YBEY: variants seen among roughly 807,000 people sequenced by gnomAD.
YBEY encodes the protein ybeY metalloendoribonuclease, also known as endoribonuclease YbeY.
In YBEY, 15 loss-of-function variants were observed where a neutral mutation model predicts 13.5. The ratio of observed to expected loss-of-function variants is 1.11; its 90% confidence interval spans 0.75 to 1.72. YBEY has a LOEUF of 1.72. Among genes scored for constraint, YBEY ranks in the 40% most tolerant of loss-of-function variants. YBEY has a pLI of 0.00. For synonymous variants in YBEY, 101 were observed against 83.1 expected, an observed-to-expected ratio of 1.21 and a Z score of -1.17; for missense variants, 244 against 208.4, an observed-to-expected ratio of 1.17 and a Z score of -1.05.
At chr21:46,313,022 C>T in the YBEY span, 2 of 985,416 alleles carry the variant, frequency 2.0e-6, no homozygotes, top group Non-Finnish European at 2.4e-6. Flanking sequence ...GGCTGCCTGG[C>T]CTTGTCCCTT....
chr21:46,302,184 G>T, downstream of YBEY: 1 of 1,444,322 alleles, frequency 6.9e-7, no homozygotes, highest in Non-Finnish European at 9.1e-7. Flanking sequence ...TGCTTAGGAC[G>T]CAGCCCAGGC....
chr21:46,297,534 TC>T lies in YBEY; in HGVS notation c.409-3del, dbSNP rs1176403414. On this transcript the variant is annotated splice_region_variant and splice_polypyrimidine_tract_variant and intron_variant, in intron 4 of 4. Transcript: ENST00000397701. ...GGGAGGGCCAGCGCGCTTCCTTCCT[TC>T]CAGATGTTCCAGAAGGAGAAGGCGG... 1 of 1,380,846 alleles carries T rather than the reference TC, an allele frequency of 7.2e-7. No homozygotes were observed. Among genetic ancestry groups the T allele is most frequent in the Non-Finnish European group, 9.5e-7 (1 of 1,056,090 alleles). The allele number at this position is 1,380,846 out of a possible 1,614,324, so 85.5% of individuals were successfully genotyped here.
chr21:46,294,617 GGGACAGCCACGC>G lies in YBEY; in HGVS notation c.340-1544_340-1533del, dbSNP rs1200949529. Among the ~76,000 whole-genome samples the G allele has an allele frequency of 1.4e-4, 14 of 99,610 alleles. 1 individual carries two copies. In the South Asian group the frequency reaches 3.1e-3, roughly 22 times the overall value. 65.3% of individuals were successfully genotyped at this position (99,610 alleles called of 152,430 possible). A position where few individuals can be genotyped will look rare whatever the true frequency, so the allele number is the denominator to read the frequency against. On this transcript the variant is annotated intron_variant, in intron 3 of 4. Transcript: ENST00000397701. ...CCTGACCCGTGCCCGGGACTCAGTG[GGGACAGCCACGC>G]AAGTTAGACTCTAGATTAAATTCCT...
intron 3 of YBEY, chr21:46,292,244 G>A (rs960037085): frequency 2.0e-5 from 3 of 152,158 alleles, no homozygotes; most frequent in Admixed American, 6.5e-5. Flanking sequence ...CAATTGGGGC[G>A]GTCACAAATC....
chr21:46,291,849 T>C, intron 3 of YBEY: 1 of 1,060,490 alleles, frequency 9.4e-7, no homozygotes, highest in South Asian at 3.0e-5. Context: ...CACCTATGGG[T>C]TCTTCCTGCC....
At chr21:46,302,506 C>T, downstream of YBEY, 1 of 1,611,950 alleles carries the variant, frequency 6.2e-7, no homozygotes, top group Non-Finnish European at 8.5e-7. Flanking sequence ...GGGGCAGGGC[C>T]TTGAGCATCC....
chr21:46,295,723 A>AT (rs1296398820), intron 3 of YBEY, among the ~76,000 whole-genome samples: 3 of 41,710 alleles, frequency 7.2e-5, no homozygotes, highest in Admixed American at 6.0e-4. Flanking sequence ...CGGAGGCCCC[A>AT]TCCTGACTGG....
chr21:46,311,421 C>T, the YBEY span: 4 of 1,297,008 alleles, frequency 3.1e-6, no homozygotes, highest in Non-Finnish European at 4.3e-6. Flanking sequence ...AGATAATTTC[C>T]TCAACCCACA....
Position 46,286,614 on chromosome 21 carries a change from C to T in YBEY, c.-45+199C>T, listed in dbSNP as rs572232724. The T allele has an allele frequency of 3.1e-4, 62 of 199,512 alleles. 1 individual carries two copies. The highest frequency in any genetic ancestry group is 1.0e-3 in the South Asian group (10 of 9,748). 12.4% of individuals were successfully genotyped at this position (199,512 alleles called of 1,614,324 possible). ...CGCCGCGTCCGCGCGCCTCTCTCCGCGCGCACCCCCAACCCGCCCCCTTTT... is the reference window on the plus strand; with the variant it reads ...CGCCGCGTCCGCGCGCCTCTCTCCGTGCGCACCCCCAACCCGCCCCCTTTT... On this transcript the variant is annotated intron_variant, in intron 1 of 4. Coordinates refer to ENST00000397701, the MANE Select transcript of YBEY (RefSeq NM_001314025.2).
the YBEY span, among the ~76,000 whole-genome samples, chr21:46,304,020 G>GTT: frequency 7.9e-3 from 351 of 44,586 alleles, no homozygotes; most frequent in Middle Eastern, 0.025. Context: ...CAAAGTGCTG[G>GTT]TTTTTTTTTT....
intron 3 of YBEY, among the ~76,000 whole-genome samples, chr21:46,295,384 C>T (rs1004752203): frequency 2.0e-5 from 3 of 152,142 alleles, no homozygotes; most frequent in African/African-American, 2.4e-5. Flanking sequence ...CCTCCCTCTT[C>T]CCTCCACCCA....
At chr21:46,291,197 CAAAAAAAA>C (rs878872964) in intron 2 of YBEY, 129 bp from the exon 3 acceptor site, 12 of 649,924 alleles carry the variant, frequency 1.8e-5, no homozygotes, top group African/African-American at 7.9e-5. Context: ...AACTCCGTCT[CAAAAAAAA>C]AAAAAAAAAA....
At chr21:46,292,530 G>A (rs1426167455) in intron 3 of YBEY, among the ~76,000 whole-genome samples, 1 of 151,406 alleles carries the variant, frequency 6.6e-6, no homozygotes, top group Admixed American at 6.6e-5. Flanking sequence ...CTTGGCCTGT[G>A]CCCGGGACTG....
chr21:46,302,965 C>T, the YBEY span, among the ~76,000 whole-genome samples: 1 of 151,062 alleles, frequency 6.6e-6, no homozygotes, highest in Non-Finnish European at 1.5e-5. Flanking sequence ...CGTCTGTACA[C>T]GGTGCGGGTC....
Position 46,286,856 on chromosome 21 carries a change from C to G in YBEY, c.-44-14C>G. The G allele has an allele frequency of 2.6e-6, 4 of 1,549,326 alleles. No individual in the cohort carries two copies. The highest frequency in any genetic ancestry group is 3.6e-6 in the Non-Finnish European group (4 of 1,125,836). ...ACTTGTACTGATTGGTCTTCTCTTA[C>G]ACTTTAACCCCAGGTTCCGTTGCAA... On this transcript the variant is annotated splice_polypyrimidine_tract_variant and intron_variant, in intron 1 of 4. Coordinates refer to ENST00000397701, the MANE Select transcript of YBEY (RefSeq NM_001314025.2).
At chr21:46,297,860 G>C (rs1479903379), downstream of YBEY, 1 of 1,039,650 alleles carries the variant, frequency 9.6e-7, no homozygotes, top group Admixed American at 4.4e-5. Context: ...GGAGCACCGC[G>C]CAGCGCTCGC....
At chr21:46,288,812 G>T (rs558278956) in intron 2 of YBEY, among the ~76,000 whole-genome samples, 22 of 152,340 alleles carry the variant, frequency 1.4e-4, no homozygotes, top group Middle Eastern at 3.4e-3. Context: ...GAGCCCAGGA[G>T]TTCAAGACCA....
At chr21:46,295,713 C>CGGA (rs2145833617) in intron 3 of YBEY, among the ~76,000 whole-genome samples, 1 of 57,608 alleles carries the variant, frequency 1.7e-5, no homozygotes, top group African/African-American at 1.0e-4. Context: ...CAGGGGCCAC[C>CGGA]GGAGGCCCCA....
chr21:46,293,397 CCCG>C (rs1451556418), intron 3 of YBEY, among the ~76,000 whole-genome samples: 4 of 29,164 alleles, frequency 1.4e-4, no homozygotes, highest in African/African-American at 2.6e-4. Flanking sequence ...TTAAATTCCT[CCCG>C]CGGTTAGCCT....
Sources: allele counts gnomAD v4.1 joint callset (sites outside exome capture counted in the v4.1 genomes callset), GRCh38; gene constraint gnomAD v4.1.1; transcripts MANE v1.5; gene names NCBI Gene and HGNC (gene_info 2026-07-23, HGNC 2026-07-21).